The following ZNF771 variants were observed in gnomAD, a reference collection of about 807,000 sequenced individuals.
ZNF771 encodes the protein zinc finger protein 771.
In ZNF771, 10 loss-of-function variants were observed where a neutral mutation model predicts 27.6. That is an observed-to-expected ratio of 0.36 (90% CI 0.22 to 0.61). ZNF771 has a LOEUF of 0.61. Among genes scored for constraint, ZNF771 ranks in the 20% least tolerant of loss-of-function variants. The pLI, the probability that ZNF771 is intolerant of heterozygous loss-of-function variation, is 0.70. For synonymous variants in ZNF771, 261 were observed against 225.2 expected, an observed-to-expected ratio of 1.16 and a Z score of -1.43; for missense variants, 438 against 503.7, an observed-to-expected ratio of 0.87 and a Z score of 1.25.
chr16:30,407,905 G>C, intron 1 of ZNF771, 140 bp from the exon 2 acceptor site: 1 of 599,560 alleles, frequency 1.7e-6, no homozygotes, highest in Non-Finnish European at 2.9e-6. Context: ...TGGGGTGGAC[G>C]GGAGAGGACC....
Position 30,418,388 on chromosome 16 carries a change from G to A in ZNF771, c.*21G>A. ...GCTGAGTCCCGCAGGGCTGCGGAGG[G>A]GCGCGCTGGGGCTTCGACCTGGCTG... is the stretch of plus-strand genomic sequence containing the variant. On this transcript the variant is annotated 3_prime_UTR_variant, in exon 3 of 3. Coordinates refer to ENST00000319296, the MANE Select transcript of ZNF771 (RefSeq NM_001142305.2). The A allele has an allele frequency of 1.5e-6, 2 of 1,364,060 alleles. No homozygotes were observed. The highest frequency in any genetic ancestry group is 1.9e-6 in the Non-Finnish European group (2 of 1,062,962). The allele number at this position is 1,364,060 out of a possible 1,614,324, so 84.5% of individuals were successfully genotyped here. A position where few individuals can be genotyped will look rare whatever the true frequency, so the allele number is the denominator to read the frequency against.
chr16:30,418,307 G>GC lies in ZNF771; in HGVS notation c.899dup (p.Gly301TrpfsTer15). The GC allele has an allele frequency of 2.0e-6, 3 of 1,490,028 alleles. No homozygotes were observed. The highest frequency in any genetic ancestry group is 1.4e-5 in the African/African-American group (1 of 69,164). 92.3% of individuals were successfully genotyped at this position (1,490,028 alleles called of 1,614,324 possible). A position where few individuals can be genotyped will look rare whatever the true frequency, so the allele number is the denominator to read the frequency against. ...CCGGCTGCGGCAGGGACTTCAAGCTGCCCCCTGGCGCCACGGCCGCCACTG... is the reference window on the plus strand; with the variant it reads ...CCGGCTGCGGCAGGGACTTCAAGCTGCCCCCCTGGCGCCACGGCCGCCACTG... On this transcript the variant is annotated frameshift_variant, in exon 3 of 3. Coordinates refer to ENST00000319296, the MANE Select transcript of ZNF771 (RefSeq NM_001142305.2). LOFTEE classifies it high-confidence loss of function.
At chr16:30,408,023 C>G in intron 1 of ZNF771, 22 bp from the exon 2 acceptor site, 2 of 1,306,782 alleles carry the variant, frequency 1.5e-6, no homozygotes, top group Non-Finnish European at 2.0e-6. Flanking sequence ...TCCTGAGCTT[C>G]TGATCCAGCT....
intron 2 of ZNF771, among the ~76,000 whole-genome samples, chr16:30,409,950 C>A (rs763207144): frequency 3.9e-5 from 6 of 152,198 alleles, no homozygotes; most frequent in Non-Finnish European, 7.3e-5. Context: ...ACAGCACCTA[C>A]ATCTTGGAGT....
At chr16:30,415,648 T>C (rs2050130351) in intron 2 of ZNF771, among the ~76,000 whole-genome samples, 1 of 152,226 alleles carries the variant, frequency 6.6e-6, no homozygotes, top group Non-Finnish European at 1.5e-5. Flanking sequence ...CCCAAAGTGC[T>C]GGTATTACAG....
At chr16:30,415,752 C>T (rs1047296873) in intron 2 of ZNF771, among the ~76,000 whole-genome samples, 1 of 152,096 alleles carries the variant, frequency 6.6e-6, no homozygotes, top group Admixed American at 6.6e-5. Context: ...TCGTGGAGAT[C>T]GAATATGGGA....
At chr16:30,410,467 G>A (rs1303767630) in intron 2 of ZNF771, among the ~76,000 whole-genome samples, 2 of 152,094 alleles carry the variant, frequency 1.3e-5, no homozygotes, top group Non-Finnish European at 2.9e-5. Flanking sequence ...AAGTGAATGT[G>A]GGGGCACAGA....
intron 2 of ZNF771, among the ~76,000 whole-genome samples, chr16:30,409,325 G>A (rs2050092275): frequency 6.6e-6 from 1 of 152,204 alleles, no homozygotes; most frequent in Non-Finnish European, 1.5e-5. Flanking sequence ...CACTGCAGCA[G>A]TGAGGGTGGG....
At chr16:30,415,039 C>G (rs978441225) in intron 2 of ZNF771, among the ~76,000 whole-genome samples, 1 of 137,364 alleles carries the variant, frequency 7.3e-6, no homozygotes, top group African/African-American at 2.8e-5. Flanking sequence ...CTCACTGCAA[C>G]CTCTGCCTCC....
chr16:30,417,572 C>G lies in ZNF771; in HGVS notation c.159C>G (p.Pro53=). Residue 53 remains proline (P), a synonymous_variant, in exon 3 of 3, where the codon CCC becomes CCG. Coordinates refer to ENST00000319296, the MANE Select transcript of ZNF771 (RefSeq NM_001142305.2). Reference sequence around the variant, plus strand: ...CCCCGCAGGTCCCGGGCGAGGCGCCCGCGCCGTCCGCCGACCCGGCGCGTC... The same window carrying G: ...CCCCGCAGGTCCCGGGCGAGGCGCCGGCGCCGTCCGCCGACCCGGCGCGTC... ...MDNKEVPGEA[P]APSADPARPH... The G allele has an allele frequency of 8.2e-7, 1 of 1,225,602 alleles. No individual in the cohort carries two copies. The highest frequency in any genetic ancestry group is 1.0e-6 in the Non-Finnish European group (1 of 985,764). 75.9% of individuals were successfully genotyped at this position (1,225,602 alleles called of 1,614,324 possible).
chr16:30,411,302 G>A (rs1321721795), intron 2 of ZNF771, among the ~76,000 whole-genome samples: 6 of 150,674 alleles, frequency 4.0e-5, no homozygotes, highest in African/African-American at 1.5e-4. Context: ...CTGGGCAACA[G>A]AGCAAGATTC....
Position 30,408,210 on chromosome 16 carries a change from A to T in ZNF771, c.141+16A>T, listed in dbSNP as rs756959098. ...CAACAAGGAGGTATGTGTCACACAC[A>T]CCCTGGGGCACACTGTCCCCAAACC... On this transcript the variant is annotated intron_variant, in intron 2 of 2. Transcript: ENST00000319296. The T allele has an allele frequency of 1.9e-6, 3 of 1,613,616 alleles. No homozygotes were observed. The highest frequency in any genetic ancestry group is 2.5e-6 in the Non-Finnish European group (3 of 1,179,686).
intron 2 of ZNF771, among the ~76,000 whole-genome samples, chr16:30,409,067 C>T (rs2050091184): frequency 1.3e-5 from 2 of 151,844 alleles, no homozygotes; most frequent in African/African-American, 4.8e-5. Flanking sequence ...CTCCACCTCC[C>T]GGGTTCAAGT....
In ZNF771 at chr16:30,418,027, G is replaced by T; in HGVS notation, c.614G>T (p.Cys205Phe). Residue 205 changes from cysteine to phenylalanine, a missense_variant, in exon 3 of 3, where the codon TGC becomes TTC. Physicochemically the swap from Cys to Phe is radical, Grantham distance 205 (BLOSUM62 -2). Coordinates refer to ENST00000319296, the MANE Select transcript of ZNF771 (RefSeq NM_001142305.2). ...CACACGGGCGAGCGGCCCTACGCTT[G>T]CGCCGACTGCGGCACGCGCTTCGCT... ...RTHTGERPYA[C>F]ADCGTRFAQS... is the part of the protein sequence containing the mutation. 6.9e-7 allele frequency: 1 copy of T among 1,450,598 alleles called. No homozygotes were observed. Among genetic ancestry groups the T allele is most frequent in the Non-Finnish European group, 9.0e-7 (1 of 1,111,942 alleles). The allele number at this position is 1,450,598 out of a possible 1,614,324, so 89.9% of individuals were successfully genotyped here. A position where few individuals can be genotyped will look rare whatever the true frequency, so the allele number is the denominator to read the frequency against.
chr16:30,417,818 G>A lies in ZNF771; in HGVS notation c.405G>A (p.Arg135=), dbSNP rs1386138343. The A allele has an allele frequency of 2.0e-6, 3 of 1,496,170 alleles. No individual in the cohort carries two copies. The highest frequency in any genetic ancestry group is 2.7e-6 in the Non-Finnish European group (3 of 1,130,920). The allele number at this position is 1,496,170 out of a possible 1,614,324, so 92.7% of individuals were successfully genotyped here. ...DKRFSAASNL[R]QHRRRHTGEK... is the part of the protein sequence containing the mutation. ...GCTTCTCGGCCGCCTCGAACCTGCG[G>A]CAGCACCGGCGGCGGCACACGGGCG... Residue 135 remains arginine (R), a synonymous_variant, in exon 3 of 3, where the codon CGG becomes CGA. Coordinates refer to ENST00000319296, the MANE Select transcript of ZNF771 (RefSeq NM_001142305.2).
At position 30,418,319 on chromosome 16, in the gene ZNF771, C is replaced by T. The variant is rs1208909379; in HGVS notation, c.906C>T (p.Ala302=). 5 of 1,482,542 alleles carry T rather than the reference C, an allele frequency of 3.4e-6. No homozygotes were observed. In the South Asian group the frequency reaches 6.4e-5, roughly 19 times the overall value. 91.8% of individuals were successfully genotyped at this position (1,482,542 alleles called of 1,614,324 possible). The change falls in exon 3 of 3, where the codon GCC becomes GCT. Residue 302 remains alanine, a synonymous_variant. Coordinates refer to ENST00000319296, the MANE Select transcript of ZNF771 (RefSeq NM_001142305.2). ...GGGACTTCAAGCTGCCCCCTGGCGC[C>T]ACGGCCGCCACTGCCACCGAGCGTT... The part of the protein sequence containing the change: ...CGRDFKLPPG[A]TAATATERCP...
chr16:30,411,150 C>T (rs1336366296), intron 2 of ZNF771, among the ~76,000 whole-genome samples: 1 of 152,098 alleles, frequency 6.6e-6, no homozygotes, highest in African/African-American at 2.4e-5. Flanking sequence ...GAAACCCCAT[C>T]TCTACTAAAA....
chr16:30,417,849 C>T lies in ZNF771; in HGVS notation c.436C>T (p.Pro146Ser). The T allele has an allele frequency of 6.6e-7, 1 of 1,507,026 alleles. No individual in the cohort carries two copies. The highest frequency in any genetic ancestry group is 2.8e-5 in the East Asian group (1 of 35,956). The allele number at this position is 1,507,026 out of a possible 1,614,324, so 93.4% of individuals were successfully genotyped here. Reference protein sequence around the residue: ...QHRRRHTGEKPYACAHCGRRF... With the variant: ...QHRRRHTGEKSYACAHCGRRF... ...CCGGCGGCGGCACACGGGCGAGAAG[C>T]CGTACGCATGCGCGCACTGCGGCCG... Residue 146 changes from proline to serine, a missense_variant, in exon 3 of 3, where the codon CCG (proline) becomes TCG (serine). Transcript: ENST00000319296.
intron 2 of ZNF771, 134 bp downstream of exon 2, chr16:30,408,328 C>T: frequency 8.0e-7 from 1 of 1,244,962 alleles, no homozygotes. Flanking sequence ...ATTGGCCCAT[C>T]CTTCTGCCCT....
Sources: allele counts gnomAD v4.1 joint callset (sites outside exome capture counted in the v4.1 genomes callset), GRCh38; gene constraint gnomAD v4.1.1; transcripts MANE v1.5; gene names NCBI Gene and HGNC (gene_info 2026-07-23, HGNC 2026-07-21).